The following PCDH9 variants were observed in gnomAD, a reference collection of about 807,000 sequenced individuals.
PCDH9 encodes protocadherin-9.
A neutral mutation model predicts 70.6 loss-of-function variants in PCDH9; 24 were observed. The observed-to-expected ratio is 0.34, with a 90% CI of 0.25 to 0.48. The LOEUF (loss-of-function observed/expected upper bound fraction) is 0.48. Ranked by LOEUF, PCDH9 falls within the 20% of genes least tolerant of loss-of-function variation. The pLI is 0.99. For synonymous variants in PCDH9, 562 were observed against 558.5 expected (o/e 1.01, Z -0.09); for missense variants, 1,281 against 1,503.6 (o/e 0.85, Z 2.45).
intron 4 of PCDH9, among the ~76,000 whole-genome samples, chr13:66,560,367 T>C (rs565178199): frequency 1.8e-4 from 28 of 151,408 alleles, no homozygotes; most frequent in South Asian, 1.2e-3. Context: ...ACTCCCCACA[T>C]AGCATAGCTG....
chr13:66,400,122 G>C (rs1336223971), intron 4 of PCDH9, among the ~76,000 whole-genome samples: 4 of 152,246 alleles, frequency 2.6e-5, no homozygotes, highest in African/African-American at 9.6e-5. Flanking sequence ...TCCTATCACT[G>C]TAAGAAGTAC....
At chr13:66,744,004 A>T (rs2139208485) in intron 3 of PCDH9, among the ~76,000 whole-genome samples, 1 of 152,268 alleles carries the variant, frequency 6.6e-6, no homozygotes, top group Non-Finnish European at 1.5e-5. Context: ...AGGGCAGATG[A>T]GAAAGGCCAT....
rs923158068 is a variant in PCDH9, at chr13:66,304,161, C to T, written c.*494G>A. ...TAACACTGATTGACTTACAAGTGTC[C>T]ACTAACGTTGTTAACAGCACAATAG... On this transcript the variant is annotated 3_prime_UTR_variant, in exon 5 of 5. Coordinates refer to ENST00000377865, the MANE Select transcript of PCDH9 (RefSeq NM_203487.3). 6.8e-6 allele frequency: 1 copy of T among 146,476 alleles called. No homozygotes were observed. The highest frequency in any genetic ancestry group is 2.5e-5 in the African/African-American group (1 of 39,246). 9.1% of individuals were successfully genotyped at this position (146,476 alleles called of 1,614,324 possible).
chr13:66,512,175 C>T (rs951717213), intron 4 of PCDH9, among the ~76,000 whole-genome samples: 7 of 151,656 alleles, frequency 4.6e-5, no homozygotes, highest in Non-Finnish European at 8.8e-5. Context: ...AGATTGACCA[C>T]ATTTAGGTGG....
intron 4 of PCDH9, among the ~76,000 whole-genome samples, chr13:66,531,429 C>T (rs551990829): frequency 1.2e-4 from 18 of 152,102 alleles, no homozygotes; most frequent in African/African-American, 3.6e-4. Context: ...ATCTGGAGAT[C>T]GAAAGCACTG....
At chr13:67,198,945 T>C (rs1355714732) in intron 2 of PCDH9, among the ~76,000 whole-genome samples, 1 of 151,742 alleles carries the variant, frequency 6.6e-6, no homozygotes, top group Admixed American at 6.6e-5. Flanking sequence ...TAATGTTAAT[T>C]TCAAAAGCTA....
chr13:66,940,886 G>A (rs2082997155), intron 2 of PCDH9, among the ~76,000 whole-genome samples: 1 of 151,840 alleles, frequency 6.6e-6, no homozygotes, highest in South Asian at 2.1e-4. Context: ...CTGCTGTGGA[G>A]GTGTTTTCCC....
chr13:66,348,702 A>G (rs1189560184), intron 4 of PCDH9, among the ~76,000 whole-genome samples: 2 of 132,726 alleles, frequency 1.5e-5, no homozygotes, highest in East Asian at 2.1e-4. Context: ...TTTTGCTGCC[A>G]AGTTTCTCTA....
At chr13:66,842,146 T>G (rs893835979) in intron 3 of PCDH9, among the ~76,000 whole-genome samples, 2 of 152,192 alleles carry the variant, frequency 1.3e-5, no homozygotes, top group African/African-American at 2.4e-5. Context: ...TTCATTTAAC[T>G]TCATAATTTA....
chr13:66,932,128 C>T (rs954991228), intron 2 of PCDH9, among the ~76,000 whole-genome samples: 2 of 152,106 alleles, frequency 1.3e-5, no homozygotes, highest in African/African-American at 4.8e-5. Context: ...GGATACCTTA[C>T]AGAATAATTC....
At chr13:66,686,337 A>G (rs960158271) in intron 3 of PCDH9, among the ~76,000 whole-genome samples, 1 of 152,094 alleles carries the variant, frequency 6.6e-6, no homozygotes, top group Admixed American at 6.6e-5. Flanking sequence ...TTGAAGAAAG[A>G]TGTGTTTGCT....
At chr13:66,853,342 T>C (rs2081345490) in intron 3 of PCDH9, among the ~76,000 whole-genome samples, 2 of 152,024 alleles carry the variant, frequency 1.3e-5, no homozygotes, top group Admixed American at 1.3e-4. Flanking sequence ...CTTCACTCTT[T>C]CCAAATTTCA....
At chr13:66,747,654 T>C (rs998922408) in intron 3 of PCDH9, among the ~76,000 whole-genome samples, 1 of 152,168 alleles carries the variant, frequency 6.6e-6, no homozygotes, top group Admixed American at 6.5e-5. Flanking sequence ...TGCATATACA[T>C]GTATGTTTAT....
rs1314950578 is a variant in PCDH9, at chr13:66,776,894, A to G, written c.3138+126610T>C. ...ACTTCAAACTATACTACAAGGCTAC[A>G]GTAACCAAAACAGCATGGTACTGGT... On this transcript the variant is annotated intron_variant, in intron 3 of 4. Coordinates refer to ENST00000377865, the MANE Select transcript of PCDH9 (RefSeq NM_203487.3). Among the ~76,000 whole-genome samples, 4 of 142,792 alleles carry G rather than the reference A, an allele frequency of 2.8e-5. No individual in the cohort carries two copies. In the East Asian group the frequency reaches 9.0e-4, roughly 32 times the overall value. The allele number at this position is 142,792 out of a possible 152,430, so 93.7% of individuals were successfully genotyped here. A position where few individuals can be genotyped will look rare whatever the true frequency, so the allele number is the denominator to read the frequency against.
At chr13:66,352,037 T>C (rs1389662598) in intron 4 of PCDH9, among the ~76,000 whole-genome samples, 1 of 152,112 alleles carries the variant, frequency 6.6e-6, no homozygotes, top group Non-Finnish European at 1.5e-5. Flanking sequence ...GGTTTCACCA[T>C]GTTGGTCAGT....
chr13:67,071,888 CAAAAAAAAAAAA>C (rs5804309), intron 2 of PCDH9, among the ~76,000 whole-genome samples: 1 of 86,688 alleles, frequency 1.2e-5, no homozygotes, highest in Non-Finnish European at 2.3e-5. Context: ...GACTTTGTCT[CAAAAAAAAAAAA>C]AAAAAAAAGA....
chr13:66,371,429 G>A (rs764854936), intron 4 of PCDH9, among the ~76,000 whole-genome samples: 9 of 152,046 alleles, frequency 5.9e-5, no homozygotes, highest in South Asian at 2.1e-4. Context: ...TACTCTGCCT[G>A]TATAGGAAAG....
chr13:66,486,110 A>G (rs1307397770), intron 4 of PCDH9, among the ~76,000 whole-genome samples: 2 of 152,152 alleles, frequency 1.3e-5, no homozygotes, highest in South Asian at 4.1e-4. Context: ...TAGTTTTTCA[A>G]TAATATCAAA....
At chr13:66,928,820 T>C (rs771978366) in intron 2 of PCDH9, among the ~76,000 whole-genome samples, 2 of 152,036 alleles carry the variant, frequency 1.3e-5, no homozygotes, top group Non-Finnish European at 2.9e-5. Context: ...GGTACTTTGT[T>C]ATAGCAGTCT....
Sources: allele counts gnomAD v4.1 joint callset (sites outside exome capture counted in the v4.1 genomes callset), GRCh38; gene constraint gnomAD v4.1.1; transcripts MANE v1.5; gene names NCBI Gene and HGNC (gene_info 2026-07-23, HGNC 2026-07-21).